SCUBE1: variants seen among roughly 807,000 people sequenced by gnomAD.
The protein encoded by SCUBE1 is signal peptide, CUB domain and EGF like domain containing 1.
In SCUBE1, 59 loss-of-function variants were observed where a neutral mutation model predicts 124.4. The observed-to-expected ratio is 0.47, with a 90% CI of 0.38 to 0.59. SCUBE1 has a LOEUF of 0.59. Ranked by LOEUF, SCUBE1 falls within the 20% of genes least tolerant of loss-of-function variation. The probability of loss-of-function intolerance (pLI) is 0.00; values close to 1 mark genes in which losing one functional copy is unlikely to be tolerated. For missense variants in SCUBE1, 1,150 were observed against 1,371.2 expected (o/e 0.84, Z 2.55); for synonymous variants, 545 against 550.9 (o/e 0.99, Z 0.15).
chr22:43,291,443 T>C (rs983695581), intron 3 of SCUBE1, among the ~76,000 whole-genome samples: 1 of 151,936 alleles, frequency 6.6e-6, no homozygotes, highest in Non-Finnish European at 1.5e-5. Flanking sequence ...TGTGCTATAG[T>C]GGTACGGAGG....
chr22:43,343,235 G>A lies in SCUBE1; in HGVS notation c.27C>T (p.His9=), dbSNP rs747214234. The A allele has an allele frequency of 8.6e-4, 1,029 of 1,202,274 alleles. 3 individuals carry two copies. The highest frequency in any genetic ancestry group is 1.3e-3 in the South Asian group (49 of 38,654). The allele number at this position is 1,202,274 out of a possible 1,614,324, so 74.5% of individuals were successfully genotyped here. ...TGCCCAGGGCCAGCAGCACGCACAAGTGCCAGCGCACGGCCGCCGCGCCCA... is the reference window on the plus strand; with the variant it reads ...TGCCCAGGGCCAGCAGCACGCACAAATGCCAGCGCACGGCCGCCGCGCCCA... The part of the protein sequence containing the change: MGAAAVRW[H]LCVLLALGTR... Residue 9 remains histidine (H), a synonymous_variant, in exon 1 of 22, where the codon CAC becomes CAT. Transcript: ENST00000360835.
At chr22:43,323,131 C>A (rs1926611419) in intron 2 of SCUBE1, among the ~76,000 whole-genome samples, 1 of 152,104 alleles carries the variant, frequency 6.6e-6, no homozygotes, top group Non-Finnish European at 1.5e-5. Flanking sequence ...AGTATTTCAC[C>A]CTTGGCACAT....
At chr22:43,233,172 C>G (rs1017841092) in intron 7 of SCUBE1, among the ~76,000 whole-genome samples, 1 of 152,162 alleles carries the variant, frequency 6.6e-6, no homozygotes, top group East Asian at 1.9e-4. Context: ...CCAGAGCAGC[C>G]TGGCCAACGC....
rs1921021385 is a variant in SCUBE1, at chr22:43,201,834, C to T, written c.*2163G>A. 6.6e-6 allele frequency: 1 copy of T among 152,216 alleles called. No individual in the cohort carries two copies. Among genetic ancestry groups the T allele is most frequent in the Admixed American group, 6.5e-5 (1 of 15,280 alleles). 9.4% of individuals were successfully genotyped at this position (152,216 alleles called of 1,614,324 possible). ...GAGAACACTCGTGAAGAGGCGACAC[C>T]CCTCCCGGCACCTTCCTCAGGAGCT... On this transcript the variant is annotated 3_prime_UTR_variant, in exon 22 of 22. Coordinates refer to ENST00000360835, the MANE Select transcript of SCUBE1 (RefSeq NM_173050.5).
At chr22:43,295,987 A>AGGGCAGGGCCCGGGCAGGGCAGGGCCC (rs142618317) in intron 3 of SCUBE1, among the ~76,000 whole-genome samples, 1 of 152,106 alleles carries the variant, frequency 6.6e-6, no homozygotes, top group African/African-American at 2.4e-5. Context: ...TGGAAGGGGC[A>AGGGCAGGGCCCGGGCAGGGCAGGGCCC]GGGCAGGGCC....
rs964824204 is a variant in SCUBE1 at position 43,203,756 on chromosome 22, C to T, written c.*241G>A. The T allele has an allele frequency of 3.9e-6, 2 of 513,212 alleles. No individual in the cohort carries two copies. Among genetic ancestry groups the T allele is most frequent in the Non-Finnish European group, 7.0e-6 (2 of 286,188 alleles). The allele number at this position is 513,212 out of a possible 1,614,324, so 31.8% of individuals were successfully genotyped here. A position where few individuals can be genotyped will look rare whatever the true frequency, so the allele number is the denominator to read the frequency against. ...CTGCCAGGGCTCAGGAGAGGGCGCT[C>T]TTGGTGTCCTGGGGAAGGGAGGCAG... is the stretch of plus-strand genomic sequence containing the variant. On this transcript the variant is annotated 3_prime_UTR_variant, in exon 22 of 22. Coordinates refer to ENST00000360835, the MANE Select transcript of SCUBE1 (RefSeq NM_173050.5).
In SCUBE1 at chr22:43,212,491, G is replaced by A. The variant is rs1480733546; in HGVS notation, c.2155C>T (p.Pro719Ser). Residue 719 changes from proline to serine, a missense_variant, in exon 17 of 22, where the codon CCC becomes TCC. By Grantham distance (74) the Pro-to-Ser change is moderately conservative. Transcript: ENST00000360835. Reference protein sequence around the residue: ...QPEPGRTGCFPCGGGLLTKHE... With the variant: ...QPEPGRTGCFSCGGGLLTKHE... The stretch of plus-strand genomic sequence containing the variant: ...TTGGTGAGCAAACCCCCTCCACAGG[G>A]GAAGCAGCCGGTGCGCCCGGGCTCA... The A allele has an allele frequency of 2.6e-6, 4 of 1,555,220 alleles. No homozygotes were observed. In the African/African-American group the frequency reaches 4.1e-5, roughly 16 times the overall value.
intron 6 of SCUBE1, among the ~76,000 whole-genome samples, chr22:43,254,151 C>G (rs1419229866): frequency 1.3e-5 from 2 of 152,266 alleles, no homozygotes; most frequent in African/African-American, 4.8e-5. Flanking sequence ...TTGAGGAGAA[C>G]TAGCTTCCAG....
intron 10 of SCUBE1, among the ~76,000 whole-genome samples, chr22:43,225,590 C>T (rs1384336648): frequency 6.6e-6 from 1 of 151,154 alleles, no homozygotes; most frequent in Non-Finnish European, 1.5e-5. Context: ...GCCTGACCAA[C>T]ATGGTGAAAC....
Position 43,212,485 on chromosome 22 carries a change from C to G in SCUBE1, c.2161G>C (p.Gly721Arg). 1 of 1,554,716 alleles carries G rather than the reference C, an allele frequency of 6.4e-7. No homozygotes were observed. The highest frequency in any genetic ancestry group is 8.7e-7 in the Non-Finnish European group (1 of 1,149,122). Residue 721 changes from glycine (G) to arginine (R), a missense_variant, in exon 17 of 22, where the codon GGA becomes CGA. Physicochemically the swap from Gly to Arg is moderately radical, Grantham distance 125. Around this residue, in one of 3 missense-constraint regions of SCUBE1, gnomAD observed 757 missense variants for 840.9 expected, o/e 0.90. Coordinates refer to ENST00000360835, the MANE Select transcript of SCUBE1 (RefSeq NM_173050.5). ...TCGTGTTTGGTGAGCAAACCCCCTCCACAGGGGAAGCAGCCGGTGCGCCCG... is the reference window on the plus strand; with the variant it reads ...TCGTGTTTGGTGAGCAAACCCCCTCGACAGGGGAAGCAGCCGGTGCGCCCG... The part of the protein sequence containing the change: ...EPGRTGCFPC[G>R]GGLLTKHEGT...
chr22:43,235,480 G>A (rs1336117715), intron 7 of SCUBE1, among the ~76,000 whole-genome samples: 1 of 152,140 alleles, frequency 6.6e-6, no homozygotes, highest in Non-Finnish European at 1.5e-5. Context: ...GGTCACTCGA[G>A]GGCACCATTG....
At chr22:43,223,238 A>C (rs1258420964) in intron 10 of SCUBE1, 22 bp from the exon 11 acceptor site, 40 of 1,557,098 alleles carry the variant, frequency 2.6e-5, no homozygotes, top group Non-Finnish European at 3.4e-5. Flanking sequence ...GATACGAGAG[A>C]GGGCTGAGAG....
At chr22:43,325,515 A>T (rs1926698097) in intron 2 of SCUBE1, among the ~76,000 whole-genome samples, 1 of 150,318 alleles carries the variant, frequency 6.7e-6, no homozygotes, top group South Asian at 2.1e-4. Context: ...TGGGGAAGAG[A>T]TTTCATGGGT....
intron 3 of SCUBE1, among the ~76,000 whole-genome samples, chr22:43,316,472 T>C (rs1478559067): frequency 6.6e-6 from 1 of 152,208 alleles, no homozygotes; most frequent in Non-Finnish European, 1.5e-5. Context: ...CAAGCACTTA[T>C]GTTTTGGGAG....
intron 3 of SCUBE1, among the ~76,000 whole-genome samples, chr22:43,309,882 C>T (rs1225103803): frequency 3.3e-5 from 5 of 152,156 alleles, no homozygotes; most frequent in African/African-American, 9.7e-5. Flanking sequence ...GTGAGTTCAA[C>T]GACCACTTCT....
intron 15 of SCUBE1, among the ~76,000 whole-genome samples, chr22:43,217,080 C>G (rs1243410531): frequency 1.9e-5 from 2 of 104,386 alleles, no homozygotes; most frequent in Non-Finnish European, 3.6e-5. Context: ...TGCCAGGTGT[C>G]ACCTCTTTAC....
chr22:43,343,306 G>A lies in SCUBE1; in HGVS notation c.-45C>T, dbSNP rs1278822212. 8 of 984,894 alleles carry A rather than the reference G, an allele frequency of 8.1e-6. No homozygotes were observed. Among genetic ancestry groups the A allele is most frequent in the Non-Finnish European group, 9.9e-6 (8 of 808,548 alleles). 61.0% of individuals were successfully genotyped at this position (984,894 alleles called of 1,614,324 possible). ...GGGCGTGCGGGCGTGCGGGGCGCGG[G>A]GACCCGACCGACCGGCCGCTCCCGC... On this transcript the variant is annotated 5_prime_UTR_variant, in exon 1 of 22. Transcript: ENST00000360835.
rs575759516 is a variant in SCUBE1, at chr22:43,244,026, G to A, written c.728-5072C>T. Among the ~76,000 whole-genome samples, 19 of 152,280 alleles carry A rather than the reference G, an allele frequency of 1.2e-4. No individual in the cohort carries two copies. The South Asian group carries it at 2.5e-3, about 20-fold the overall frequency. On this transcript the variant is annotated intron_variant, in intron 6 of 21. Coordinates refer to ENST00000360835, the MANE Select transcript of SCUBE1 (RefSeq NM_173050.5). ...GTCAATTTCACGGTGCTAGGTGGCC[G>A]GGAGAGGGGAGCTACAGAGATGAAT...
At chr22:43,257,604 T>C (rs1601834831) in intron 6 of SCUBE1, among the ~76,000 whole-genome samples, 1 of 151,976 alleles carries the variant, frequency 6.6e-6, no homozygotes, top group Non-Finnish European at 1.5e-5. Context: ...GGACTTCAGG[T>C]TGGGAAGAAA....
Sources: gnomAD v4.1 joint callset for allele counts (sites outside exome capture counted in the v4.1 genomes callset) on GRCh38, gnomAD v4.1.1 for gene constraint, gnomAD v4.1.1 regional missense constraint, MANE v1.5 for transcripts, NCBI Gene and HGNC (gene_info 2026-07-23, HGNC 2026-07-21) for gene names.